CHD2: variants seen among roughly 807,000 people sequenced by gnomAD.
CHD2 encodes ATP-dependent chromatin remodeler CHD2.
CHD2 carries 28 observed loss-of-function variants against 243.9 expected under a neutral mutation model. The observed-to-expected ratio is 0.11, with a 90% CI of 0.09 to 0.16. The LOEUF (loss-of-function observed/expected upper bound fraction) is 0.16. CHD2 is among the 10% of genes least tolerant of loss of function. The pLI is 1.00. For missense variants in CHD2, 1,386 were observed against 2,209.8 expected (o/e 0.63, Z 7.47); for synonymous variants, 775 against 779.0 (o/e 0.99, Z 0.09).
chr15:92,917,373 A>T (rs536480313), intron 2 of CHD2, among the ~76,000 whole-genome samples: 24 of 152,320 alleles, frequency 1.6e-4, no homozygotes, highest in Admixed American at 1.4e-3. Flanking sequence ...AGCCTGGCCG[A>T]CATGGTGAAA....
At chr15:92,981,224 A>G (rs995465231) in intron 23 of CHD2, 141 bp from the exon 24 acceptor site, 1 of 618,100 alleles carries the variant, frequency 1.6e-6, no homozygotes, top group Non-Finnish European at 2.9e-6. Flanking sequence ...TAGAGTTGAA[A>G]CTGAAAGTAA....
intron 20 of CHD2, among the ~76,000 whole-genome samples, chr15:92,975,766 G>C (rs1474914851): frequency 6.6e-6 from 1 of 151,912 alleles, no homozygotes; most frequent in Non-Finnish European, 1.5e-5. Context: ...TCTGCTGTCT[G>C]CCTTTAGAGT....
intron 32 of CHD2, 111 bp downstream of exon 32, chr15:93,000,751 G>C: frequency 8.4e-7 from 1 of 1,184,582 alleles, no homozygotes; most frequent in Non-Finnish European, 1.2e-6. Context: ...GGATTAAATG[G>C]AAATAGAATA....
At chr15:92,939,872 A>C (rs144407144) in intron 7 of CHD2, among the ~76,000 whole-genome samples, 154 bp downstream of exon 7, 2 of 152,214 alleles carry the variant, frequency 1.3e-5, no homozygotes, top group Non-Finnish European at 1.5e-5. Flanking sequence ...GCTTTCTTGC[A>C]AAAAGAGTGG....
At chr15:92,924,690 A>G (rs1426014043) in intron 3 of CHD2, 138 bp downstream of exon 3, 2 of 668,676 alleles carry the variant, frequency 3.0e-6, no homozygotes, top group Non-Finnish European at 5.2e-6. Flanking sequence ...ACAGTAGTAT[A>G]TCTGAGGATA....
intron 2 of CHD2, among the ~76,000 whole-genome samples, chr15:92,907,089 T>C (rs573246738): frequency 6.6e-5 from 10 of 152,228 alleles, no homozygotes; most frequent in Non-Finnish European, 1.3e-4. Flanking sequence ...TTATGACCCT[T>C]TTCTGTAATC....
In CHD2 at chr15:92,937,267, T is replaced by C. The variant is rs566433566; in HGVS notation, c.444-251T>C. ...ATGGTTTCAATCTTGTCAATAAGAG[T>C]AGTAAATGAAAAAAGTACATATATA... On this transcript the variant is annotated intron_variant, in intron 5 of 38. Coordinates refer to ENST00000394196, the MANE Select transcript of CHD2 (RefSeq NM_001271.4). 8.6e-5 allele frequency among the ~76,000 whole-genome samples: 10 copies of C among 115,912 alleles called. No individual in the cohort carries two copies. In the South Asian group the frequency reaches 2.5e-3, roughly 29 times the overall value. 76.0% of individuals were successfully genotyped at this position (115,912 alleles called of 152,430 possible).
intron 38 of CHD2, 23 bp downstream of exon 38, chr15:93,020,281 C>T (rs1259935011): frequency 1.2e-6 from 2 of 1,613,914 alleles, no homozygotes; most frequent in South Asian, 2.2e-5. Context: ...CTGTGAGACA[C>T]CAGGTGCCAA....
chr15:92,996,895 CAT>C (rs1333651496), intron 28 of CHD2, 60 bp from the exon 29 acceptor site: 1 of 1,529,208 alleles, frequency 6.5e-7, no homozygotes, highest in Non-Finnish European at 8.8e-7. Context: ...TTCGTTGATA[CAT>C]GTTTTCTGTG....
Position 92,939,656 on chromosome 15 carries a change from G to T in CHD2, c.630G>T (p.Glu210Asp), listed in dbSNP as rs749147803. The T allele has an allele frequency of 1.9e-5, 31 of 1,613,934 alleles. No homozygotes were observed. The highest frequency in any genetic ancestry group is 3.3e-5 in the Admixed American group (2 of 59,994). ...GAAAAAAGCAAGATTCTTCTGATGA[G>T]GATGATGATGATGACGAAGCTCCCA... ...GKRKKQDSSD[E>D]DDDDDEAPKR... The change falls in exon 7 of 39, where the codon GAG becomes GAT. Residue 210 changes from glutamate to aspartate, a missense_variant. By Grantham distance (45) the Glu-to-Asp change is conservative. Around this residue, in one of 19 missense-constraint regions of CHD2, gnomAD observed 90 missense variants for 78.0 expected, o/e 1.15. Coordinates refer to ENST00000394196, the MANE Select transcript of CHD2 (RefSeq NM_001271.4).
intron 4 of CHD2, among the ~76,000 whole-genome samples, 188 bp downstream of exon 4, chr15:92,927,518 C>T (rs925707639): frequency 6.6e-6 from 1 of 151,994 alleles, no homozygotes. Context: ...AGAATCTAAC[C>T]AGAAAGATCA....
In CHD2 at chr15:92,924,364, C is replaced by A; in HGVS notation, c.106C>A (p.Gln36Lys). The part of the protein sequence containing the change: ...EEASGSDSGS[Q>K]SESEQGSDPG... ...AGCTTCGGGTTCAGACTCAGGCAGT[C>A]AGTCGGAAAGTGAGCAGGGAAGTGA... The change falls in exon 3 of 39, where the codon CAG becomes AAG. Residue 36 changes from glutamine (Q) to lysine (K), a missense_variant. This residue lies in a region of CHD2 where 89 missense variants were observed against 102.4 expected (regional missense o/e 0.87). Transcript: ENST00000394196. The A allele has an allele frequency of 6.2e-7, 1 of 1,613,980 alleles. No homozygotes were observed. Among genetic ancestry groups the A allele is most frequent in the South Asian group, 1.1e-5 (1 of 91,034 alleles).
At chr15:93,016,819 A>ATT (rs2054468098) in intron 37 of CHD2, among the ~76,000 whole-genome samples, 1 of 151,824 alleles carries the variant, frequency 6.6e-6, no homozygotes, top group Non-Finnish European at 1.5e-5. Flanking sequence ...CAAAACTCAA[A>ATT]GGAATCCAGA....
At chr15:92,913,685 CTA>C (rs1408856293) in intron 2 of CHD2, among the ~76,000 whole-genome samples, 1 of 152,150 alleles carries the variant, frequency 6.6e-6, no homozygotes, top group East Asian at 1.9e-4. Flanking sequence ...GATGCCATTT[CTA>C]CAAAAAATGT....
intron 38 of CHD2, chr15:93,020,688 AC>A (rs1383657970): frequency 8.1e-6 from 2 of 245,748 alleles, no homozygotes; most frequent in Non-Finnish European, 1.6e-5. Flanking sequence ...GTACAATGCC[AC>A]CAGTAGTACG....
intron 16 of CHD2, among the ~76,000 whole-genome samples, chr15:92,959,298 A>G (rs1191289094): frequency 6.6e-6 from 1 of 152,160 alleles, no homozygotes; most frequent in Non-Finnish European, 1.5e-5. Context: ...AATTTGGGAA[A>G]TTGTTCTAGT....
In CHD2 at chr15:93,024,358, C is replaced by T. The variant is rs1464151845; in HGVS notation, c.5154-14C>T. Reference sequence around the variant, plus strand: ...GCTTCAGTCTTTCGACTAATCCTTGCATCTCTATTTCAGGCACCATCATGA... The same window carrying T: ...GCTTCAGTCTTTCGACTAATCCTTGTATCTCTATTTCAGGCACCATCATGA... On this transcript the variant is annotated splice_polypyrimidine_tract_variant and intron_variant, in intron 38 of 38. Coordinates refer to ENST00000394196, the MANE Select transcript of CHD2 (RefSeq NM_001271.4). 1 of 1,605,284 alleles carries T rather than the reference C, an allele frequency of 6.2e-7. No homozygotes were observed. The highest frequency in any genetic ancestry group is 8.5e-7 in the Non-Finnish European group (1 of 1,174,456).
chr15:92,924,350 C>T lies in CHD2; in HGVS notation c.92C>T (p.Ser31Leu). The T allele has an allele frequency of 6.2e-7, 1 of 1,613,958 alleles. No individual in the cohort carries two copies. ...TCAGCCTCTGAAGAAGCTTCGGGTT[C>T]AGACTCAGGCAGTCAGTCGGAAAGT... The part of the protein sequence containing the change: ...SHSASEEASG[S>L]DSGSQSESEQ... Residue 31 changes from serine (S) to leucine (L), a missense_variant, in exon 3 of 39, where the codon TCA becomes TTA. By Grantham distance (145) the Ser-to-Leu change is moderately radical (BLOSUM62 -2). Transcript: ENST00000394196.
Position 92,979,209 on chromosome 15 carries a change from A to G in CHD2, c.2802A>G (p.Val934=), listed in dbSNP as rs544488824. The change falls in exon 22 of 39, where the codon GTA becomes GTG. Residue 934 remains valine (V), a synonymous_variant. Transcript: ENST00000394196. ...EIIERAKKKM[V]LDHLVIQRMD... The stretch of plus-strand genomic sequence containing the variant: ...TAGAACGGGCCAAAAAGAAGATGGT[A>G]TTAGATCATCTGGTGATTCAGCGCA... 102 of 1,614,090 alleles carry G rather than the reference A, an allele frequency of 6.3e-5. No individual in the cohort carries two copies. Among genetic ancestry groups the G allele is most frequent in the Non-Finnish European group, 8.2e-5 (97 of 1,179,986 alleles).
Sources: allele counts gnomAD v4.1 joint callset (sites outside exome capture counted in the v4.1 genomes callset), GRCh38; gene constraint gnomAD v4.1.1; regional missense constraint gnomAD v4.1.1; transcripts MANE v1.5; gene names NCBI Gene and HGNC (gene_info 2026-07-23, HGNC 2026-07-21).